FOXN3: variants seen among roughly 807,000 people sequenced by gnomAD.
FOXN3 encodes the protein forkhead box protein N3.
FOXN3 carries 7 observed loss-of-function variants against 38.4 expected under a neutral mutation model. The observed-to-expected ratio is 0.18, with a 90% confidence interval of 0.10 to 0.34. The LOEUF (loss-of-function observed/expected upper bound fraction) is 0.34. Ranked by LOEUF, FOXN3 falls within the 10% of genes least tolerant of loss-of-function variation. The pLI is 1.00. For missense variants in FOXN3, 456 were observed against 613.4 expected, an observed-to-expected ratio of 0.74 and a Z score of 2.71; for synonymous variants, 230 against 242.2, an observed-to-expected ratio of 0.95 and a Z score of 0.47.
At chr14:89,555,906 TTG>T (rs1440823390) in intron 1 of FOXN3, among the ~76,000 whole-genome samples, 3 of 135,910 alleles carry the variant, frequency 2.2e-5, no homozygotes, top group Non-Finnish European at 4.8e-5. Flanking sequence ...GGTGTGTGTG[TTG>T]TGTGTGTGTG....
intron 1 of FOXN3, among the ~76,000 whole-genome samples, chr14:89,522,629 A>G (rs1177837689): frequency 6.6e-6 from 1 of 152,098 alleles, no homozygotes; most frequent in Admixed American, 6.6e-5. Flanking sequence ...TTCTTTTAAG[A>G]TTTTTATACT....
At chr14:89,562,848 C>T (rs1027626708) in intron 1 of FOXN3, among the ~76,000 whole-genome samples, 1 of 152,176 alleles carries the variant, frequency 6.6e-6, no homozygotes, top group Non-Finnish European at 1.5e-5. Flanking sequence ...CAGCAATTCA[C>T]CTATCAAACT....
intron 1 of FOXN3, among the ~76,000 whole-genome samples, chr14:89,416,609 A>G (rs1021120271): frequency 1.3e-5 from 2 of 151,238 alleles, no homozygotes; most frequent in African/African-American, 4.9e-5. Context: ...GACAATACCA[A>G]CTCTGTTCCT....
At chr14:89,493,304 A>C (rs1893618822) in intron 1 of FOXN3, among the ~76,000 whole-genome samples, 1 of 152,238 alleles carries the variant, frequency 6.6e-6, no homozygotes. Context: ...CATACTTGAA[A>C]GCTCCCACAA....
At chr14:89,187,820 C>G (rs2139804435) in intron 4 of FOXN3, among the ~76,000 whole-genome samples, 1 of 152,258 alleles carries the variant, frequency 6.6e-6, no homozygotes, top group South Asian at 2.1e-4. Flanking sequence ...TGCATCTTCA[C>G]TCCCTTGCTA....
chr14:89,505,338 T>G (rs1324163708), intron 1 of FOXN3, among the ~76,000 whole-genome samples: 3 of 138,458 alleles, frequency 2.2e-5, no homozygotes, highest in South Asian at 2.6e-4. Flanking sequence ...GAGGCTGGAC[T>G]GTGCTGCTGC....
At position 89,210,315 on chromosome 14, in the gene FOXN3, G is replaced by A. The variant is rs887109168; in HGVS notation, c.746-29509C>T. On this transcript the variant is annotated intron_variant, in intron 4 of 5. Transcript: ENST00000557258. ...GCCCCCGCCCCTCTCACCCTCCTAT[G>A]AAATGCCAGCTCTCCCTTTACCTTC... Among the ~76,000 whole-genome samples the A allele has an allele frequency of 2.6e-5, 4 of 152,146 alleles. No individual in the cohort carries two copies. The South Asian group carries it at 6.2e-4, about 24-fold the overall frequency.
rs75580113 is a variant in FOXN3, at chr14:89,393,490, C to G, written c.543+18444G>C. ...GTGGGAATAAGCTGCCATTTCTGAA[C>G]AGATTATCTGAAAACATTCATGGCT... On this transcript the variant is annotated intron_variant, in intron 2 of 5. Coordinates refer to ENST00000557258, the MANE Select transcript of FOXN3 (RefSeq NM_005197.4). 6.2e-3 allele frequency among the ~76,000 whole-genome samples: 951 copies of G among 152,310 alleles called. 13 individuals carry two copies. Among genetic ancestry groups the G allele is most frequent in the African/African-American group, 0.02 (848 of 41,556 alleles).
intron 1 of FOXN3, among the ~76,000 whole-genome samples, chr14:89,527,137 C>T (rs985804327): frequency 2.0e-5 from 3 of 151,696 alleles, no homozygotes; most frequent in African/African-American, 4.8e-5. Flanking sequence ...GGGGAAGAAA[C>T]GGAGTTTTTT....
intron 4 of FOXN3, among the ~76,000 whole-genome samples, chr14:89,196,909 C>T (rs1596095764): frequency 6.6e-6 from 1 of 152,316 alleles, no homozygotes; most frequent in African/African-American, 2.4e-5. Context: ...CGATATATAC[C>T]TGCTGCAAAA....
chr14:89,337,624 CTCTTT>C (rs1381974345), intron 3 of FOXN3, among the ~76,000 whole-genome samples: 37 of 104,738 alleles, frequency 3.5e-4, no homozygotes, highest in Admixed American at 9.0e-4. Flanking sequence ...CATTTGCATT[CTCTTT>C]TCTTTTCTTT....
chr14:89,240,685 C>T (rs1239656747), intron 4 of FOXN3, among the ~76,000 whole-genome samples: 3 of 152,232 alleles, frequency 2.0e-5, no homozygotes, highest in Admixed American at 6.5e-5. Flanking sequence ...AACTGGTCAT[C>T]GTGGTTACCT....
chr14:89,335,898 A>G (rs559105360), intron 3 of FOXN3, among the ~76,000 whole-genome samples: 1 of 152,290 alleles, frequency 6.6e-6, no homozygotes, highest in South Asian at 2.1e-4. Context: ...AATGATTAGA[A>G]AGATAGCTGA....
rs201028422 is a variant in FOXN3, at chr14:89,509,332, G to GTT, written c.-14-96844_-14-96843dup. On this transcript the variant is annotated intron_variant, in intron 1 of 6. Coordinates refer to the FOXN3 transcript ENST00000345097. ...ATTATATACAGTTTTTTTTGTTGTT[G>GTT]TTTGTTTGTTTGTTTGTTTTAAGAT... Among the ~76,000 whole-genome samples the GTT allele has an allele frequency of 3.5e-3, 204 of 58,620 alleles. 2 individuals are homozygous for GTT. Among genetic ancestry groups the GTT allele is most frequent in the East Asian group, 0.02 (79 of 4,042 alleles). 38.5% of individuals were successfully genotyped at this position (58,620 alleles called of 152,430 possible).
At chr14:89,229,330 A>C (rs938016826) in intron 4 of FOXN3, among the ~76,000 whole-genome samples, 3 of 152,260 alleles carry the variant, frequency 2.0e-5, no homozygotes, top group Non-Finnish European at 4.4e-5. Flanking sequence ...ACATAACCCT[A>C]AAACAAACAA....
chr14:89,490,536 G>A (rs182882230), intron 1 of FOXN3, among the ~76,000 whole-genome samples: 2 of 152,290 alleles, frequency 1.3e-5, no homozygotes, highest in Admixed American at 1.3e-4. Context: ...GAAGTCACTT[G>A]GCAGTTCAGG....
chr14:89,297,973 A>T (rs1887097246), intron 3 of FOXN3, among the ~76,000 whole-genome samples: 1 of 152,206 alleles, frequency 6.6e-6, no homozygotes, highest in Admixed American at 6.5e-5. Context: ...TGACAGACAG[A>T]GAACATGTCT....
At chr14:89,479,324 T>C (rs1206073375) in intron 1 of FOXN3, among the ~76,000 whole-genome samples, 1 of 151,602 alleles carries the variant, frequency 6.6e-6, no homozygotes, top group Non-Finnish European at 1.5e-5. Context: ...TCGGGAGCCC[T>C]AACTTCAGCC....
intron 5 of FOXN3, among the ~76,000 whole-genome samples, chr14:89,173,803 C>A (rs549390470): frequency 7.9e-4 from 121 of 152,228 alleles, no homozygotes; most frequent in African/African-American, 2.8e-3. Flanking sequence ...TCAGCCTGGG[C>A]AACATGGCAA....
Sources: gnomAD v4.1 joint callset for allele counts (sites outside exome capture counted in the v4.1 genomes callset) on GRCh38, gnomAD v4.1.1 for gene constraint, MANE v1.5 for transcripts, NCBI Gene and HGNC (gene_info 2026-07-23, HGNC 2026-07-21) for gene names.